Variants in DMD observed in about 807,000 individuals in gnomAD.
The protein encoded by DMD is mutant dystrophin.
DMD carries 63 observed loss-of-function variants against 330.1 expected under a neutral mutation model. The ratio of observed to expected loss-of-function variants is 0.19; its 90% CI spans 0.16 to 0.24. DMD has a LOEUF of 0.24. Among genes scored for constraint, DMD ranks in the 10% least tolerant of loss-of-function variants. DMD has a pLI of 1.00. For synonymous variants in DMD, 1,223 were observed against 959.8 expected, an observed-to-expected ratio of 1.27 and a Z score of -5.07; for missense variants, 3,344 against 2,684.1, an observed-to-expected ratio of 1.25 and a Z score of -5.43.
chrX:32,667,300 G>A (rs970174946), intron 9 of DMD, among the ~76,000 whole-genome samples: 2 of 111,465 alleles, frequency 1.8e-5, no homozygotes, highest in African/African-American at 3.3e-5. Flanking sequence ...AGAGACAACT[G>A]TCTCTGTCCT....
At chrX:32,648,291 T>G (rs1426177906) in intron 9 of DMD, among the ~76,000 whole-genome samples, 2 of 111,974 alleles carry the variant, frequency 1.8e-5, no homozygotes, top group Non-Finnish European at 3.8e-5. Context: ...ATTTTATATT[T>G]ATATCCATCA....
chrX:31,593,985 G>C (rs747826642), intron 55 of DMD, among the ~76,000 whole-genome samples: 1 of 110,901 alleles, frequency 9.0e-6, no homozygotes, highest in Non-Finnish European at 1.9e-5. Context: ...ATGACTAAAC[G>C]ATTTTTTAAT....
chrX:32,424,958 G>A (rs752963463), intron 29 of DMD, among the ~76,000 whole-genome samples: 18 of 111,355 alleles, frequency 1.6e-4, no homozygotes, highest in East Asian at 2.8e-4. Flanking sequence ...CAAAGATAAC[G>A]CAAAGAAAAA....
intron 15 of DMD, among the ~76,000 whole-genome samples, chrX:32,568,788 G>C (rs189386570): frequency 2.7e-5 from 3 of 111,089 alleles, no homozygotes; most frequent in African/African-American, 9.8e-5. Flanking sequence ...GGGAGGAAAA[G>C]AAAGAAAATC....
At position 32,233,509 on chromosome X, in the gene DMD, C is replaced by T. The variant is rs987782167; in HGVS notation, c.6291-16446G>A. On this transcript the variant is annotated intron_variant, in intron 43 of 78. Coordinates refer to ENST00000357033, the MANE Select transcript of DMD (RefSeq NM_004006.3). ...CCACACAAAATAAATAGCTGCAGATCTTTCACAATACAATAAATTAAAAAA... is the reference window on the plus strand; with the variant it reads ...CCACACAAAATAAATAGCTGCAGATTTTTCACAATACAATAAATTAAAAAA... Among the ~76,000 whole-genome samples the T allele has an allele frequency of 4.2e-5, 4 of 95,736 alleles. No individual in the cohort carries two copies. The Admixed American group carries it at 4.5e-4, about 11-fold the overall frequency. The allele number at this position is 95,736 out of a possible 115,157, so 83.1% of individuals were successfully genotyped here.
chrX:32,399,716 C>T (rs1266976746), intron 30 of DMD, among the ~76,000 whole-genome samples: 1 of 111,565 alleles, frequency 9.0e-6, no homozygotes, highest in Non-Finnish European at 1.9e-5. Flanking sequence ...TACAATCCAG[C>T]AATCCCACTG....
At chrX:33,052,357 T>C (rs1006138991) in intron 1 of DMD, among the ~76,000 whole-genome samples, 12 of 112,193 alleles carry the variant, frequency 1.1e-4, no homozygotes, top group East Asian at 2.8e-4. Context: ...TCCAAATATA[T>C]ACGAGAATGA....
chrX:32,615,799 C>T (rs926412443), intron 11 of DMD, among the ~76,000 whole-genome samples: 1 of 111,341 alleles, frequency 9.0e-6, no homozygotes, highest in African/African-American at 3.3e-5. Flanking sequence ...CTCAGTCTCC[C>T]GTTTTATTAA....
At chrX:31,355,495 T>TA (rs1436847395) in intron 60 of DMD, among the ~76,000 whole-genome samples, 6 of 112,409 alleles carry the variant, frequency 5.3e-5, no homozygotes, top group African/African-American at 1.9e-4. Flanking sequence ...ACATGACACT[T>TA]ACACAAATGA....
rs190198928 is a variant in DMD at position 32,853,915 on chromosome X, A to G, written c.94-4095T>C. 2.6e-3 allele frequency among the ~76,000 whole-genome samples: 290 copies of G among 111,831 alleles called. 1 individual carries two copies. The highest frequency in any genetic ancestry group is 8.9e-3 in the African/African-American group (276 of 30,844). ...ATTCCATGTCGATAGCAACCAAAAA[A>G]GAACAGGAGTAGCTATTCTTACATC... On this transcript the variant is annotated intron_variant, in intron 2 of 78. Coordinates refer to ENST00000357033, the MANE Select transcript of DMD (RefSeq NM_004006.3).
chrX:31,817,221 T>A (rs1437237374), intron 50 of DMD, among the ~76,000 whole-genome samples: 1 of 112,491 alleles, frequency 8.9e-6, no homozygotes, highest in African/African-American at 3.2e-5. Flanking sequence ...ATGGAAACAA[T>A]CTGCTATAAT....
chrX:33,253,370 C>T (rs1041494455), intron 1 of DMD, among the ~76,000 whole-genome samples: 6 of 111,268 alleles, frequency 5.4e-5, no homozygotes, highest in African/African-American at 1.6e-4. Flanking sequence ...TATGAAGACA[C>T]GAACTACTTC....
intron 43 of DMD, among the ~76,000 whole-genome samples, chrX:32,287,232 A>G (rs750721432): frequency 4.5e-5 from 5 of 111,943 alleles, no homozygotes; most frequent in Non-Finnish European, 7.5e-5. Flanking sequence ...AATATGTTAT[A>G]TCGAACAACT....
intron 7 of DMD, among the ~76,000 whole-genome samples, chrX:32,742,852 C>A (rs924611344): frequency 8.9e-6 from 1 of 111,806 alleles, no homozygotes; most frequent in African/African-American, 3.3e-5. Flanking sequence ...TTTATTTAAT[C>A]CTCACTGCAA....
intron 47 of DMD, among the ~76,000 whole-genome samples, chrX:31,889,647 T>TCTCACA (rs796563415): frequency 4.7e-3 from 336 of 71,560 alleles, no homozygotes; most frequent in East Asian, 0.013. Flanking sequence ...TCTCTCTCTC[T>TCTCACA]CACACACACA....
At chrX:31,185,999 G>T (rs1305228149) in intron 67 of DMD, among the ~76,000 whole-genome samples, 2 of 111,816 alleles carry the variant, frequency 1.8e-5, no homozygotes, top group African/African-American at 6.5e-5. Flanking sequence ...AAGCCAAGTT[G>T]CTTCTCTTGT....
At chrX:32,392,623 A>G (rs1159943660) in intron 30 of DMD, among the ~76,000 whole-genome samples, 5 of 111,280 alleles carry the variant, frequency 4.5e-5, no homozygotes, top group African/African-American at 1.6e-4. Flanking sequence ...TCCTCTTACC[A>G]CTCCCTCAAC....
At chrX:33,290,243 C>A (rs190364812) in intron 1 of DMD, among the ~76,000 whole-genome samples, 10 of 111,463 alleles carry the variant, frequency 9.0e-5, no homozygotes, top group African/African-American at 3.3e-4. Flanking sequence ...ACACTTATGA[C>A]TTTATAAGTA....
chrX:33,289,546 G>T (rs764217156), intron 1 of DMD, among the ~76,000 whole-genome samples: 1 of 111,550 alleles, frequency 9.0e-6, no homozygotes, highest in Non-Finnish European at 1.9e-5. Context: ...CTTTTAGGTG[G>T]TGTTTCAAGG....
Sources: allele counts gnomAD v4.1 joint callset (sites outside exome capture counted in the v4.1 genomes callset), GRCh38; gene constraint gnomAD v4.1.1; transcripts MANE v1.5; gene names NCBI Gene and HGNC (gene_info 2026-07-23, HGNC 2026-07-21).